Variants in BCAS3 observed in about 807,000 individuals in gnomAD.
BCAS3 encodes BCAS4/BCAS3 fusion.
BCAS3 carries 53 observed loss-of-function variants against 116.1 expected under a neutral mutation model. The ratio of observed to expected loss-of-function variants is 0.46; its 90% confidence interval spans 0.37 to 0.57. The LOEUF (loss-of-function observed/expected upper bound fraction) is 0.57. Ranked by LOEUF, BCAS3 falls within the 20% of genes least tolerant of loss-of-function variation. The pLI is 0.00. For missense variants in BCAS3, 917 were observed against 1,165.4 expected (o/e 0.79, Z 3.10); for synonymous variants, 391 against 408.2 (o/e 0.96, Z 0.51).
chr17:60,924,005 C>G (rs2059237532), intron 12 of BCAS3, among the ~76,000 whole-genome samples: 1 of 152,002 alleles, frequency 6.6e-6, no homozygotes, highest in African/African-American at 2.4e-5. Flanking sequence ...CAATAAGGGG[C>G]AAAAAATTGT....
At chr17:61,102,707 G>C (rs1190736844) in intron 22 of BCAS3, among the ~76,000 whole-genome samples, 1 of 151,636 alleles carries the variant, frequency 6.6e-6, no homozygotes, top group Admixed American at 6.6e-5. Context: ...TAGCTGACTG[G>C]GTACATGACC....
Position 61,380,616 on chromosome 17 carries a change from T to C in BCAS3, c.2594-11361T>C, listed in dbSNP as rs775637825. The C allele has an allele frequency of 2.6e-6, 4 of 1,564,452 alleles. No homozygotes were observed. The highest frequency in any genetic ancestry group is 1.7e-5 in the Admixed American group (1 of 59,320). ...TGCCTATGTGGAAGGGGTTGTCCCG[T>C]TGCTTCTTTTGTCCCTCAAGAGGGT... On this transcript the variant is annotated intron_variant, in intron 23 of 23. Transcript: ENST00000407086. This position sits in a 1 kb window ranked among gnomAD's most constrained non-coding sequence, Gnocchi z 4.2.
intron 6 of BCAS3, among the ~76,000 whole-genome samples, chr17:60,769,416 TG>T (rs2044428296): frequency 6.6e-6 from 1 of 152,116 alleles, no homozygotes; most frequent in African/African-American, 2.4e-5. Flanking sequence ...GTAGCGGAGG[TG>T]GGCTTTGTCT....
chr17:60,868,796 G>T, intron 8 of BCAS3, 113 bp downstream of exon 8: 1 of 561,874 alleles, frequency 1.8e-6, no homozygotes, highest in Non-Finnish European at 3.0e-6. Flanking sequence ...AAATCTCAAG[G>T]AAACACCTTC....
intron 7 of BCAS3, chr17:60,810,974 ACTAGTCT>A (rs2048756527): frequency 1.5e-6 from 1 of 672,536 alleles, no homozygotes; most frequent in African/African-American, 1.8e-5. Context: ...CTGGACAAGT[ACTAGTCT>A]CAGCAGATTG....
rs2047557944 is a variant in BCAS3 at position 61,241,945 on chromosome 17, T to A, written c.2426-126382T>A. Among the ~76,000 whole-genome samples the A allele has an allele frequency of 6.6e-6, 1 of 152,148 alleles. No individual in the cohort carries two copies. Among genetic ancestry groups the A allele is most frequent in the Admixed American group, 6.5e-5 (1 of 15,272 alleles). ...GAATCATTTCTCAGTGTTAAGTATA[T>A]CTGGGACCAGAAATGGCTCTTGTTA... On this transcript the variant is annotated intron_variant, in intron 22 of 23. Coordinates refer to ENST00000407086, the MANE Select transcript of BCAS3 (RefSeq NM_017679.5). This position sits in a 1 kb window ranked among gnomAD's most constrained non-coding sequence, Gnocchi z 4.6.
rs8076490 is a variant in BCAS3, at chr17:60,994,237, A to G, written c.1486+4002A>G. Among the ~76,000 whole-genome samples, 4,534 of 152,064 alleles carry G rather than the reference A, an allele frequency of 0.03. 230 individuals are homozygous for G. Among genetic ancestry groups the G allele is most frequent in the African/African-American group, 0.1 (4,205 of 41,496 alleles). ...TTTTAAAATATTGTTTTTACTCATCACTACTTTGAAATTATGATTATATAA... is the reference window on the plus strand; with the variant it reads ...TTTTAAAATATTGTTTTTACTCATCGCTACTTTGAAATTATGATTATATAA... On this transcript the variant is annotated intron_variant, in intron 15 of 23. Coordinates refer to ENST00000407086, the MANE Select transcript of BCAS3 (RefSeq NM_017679.5). The surrounding 1 kb of genome is among the most constrained non-coding windows in gnomAD (Gnocchi z 4.4).
chr17:61,163,255 TCTA>T (rs1195414662), intron 22 of BCAS3, among the ~76,000 whole-genome samples: 2 of 151,948 alleles, frequency 1.3e-5, no homozygotes, highest in Non-Finnish European at 2.9e-5. Flanking sequence ...AAACCCAGTC[TCTA>T]CTAAAAATAC....
intron 23 of BCAS3, among the ~76,000 whole-genome samples, chr17:61,370,953 T>A (rs1329396449): frequency 4.6e-5 from 7 of 152,192 alleles, no homozygotes; most frequent in South Asian, 2.1e-4. Context: ...TCAGTCCCCC[T>A]CTTTCTTCCC....
chr17:60,992,650 T>A (rs2063601096), intron 15 of BCAS3, among the ~76,000 whole-genome samples: 1 of 152,112 alleles, frequency 6.6e-6, no homozygotes, highest in Admixed American at 6.6e-5. Context: ...TGTAACAAAC[T>A]TGCACATGTG....
chr17:60,926,134 G>C (rs2059356687), intron 13 of BCAS3, among the ~76,000 whole-genome samples: 2 of 152,216 alleles, frequency 1.3e-5, no homozygotes, highest in Non-Finnish European at 1.5e-5. Context: ...ATTATAAGAA[G>C]AACATAAATT....
Position 61,056,658 on chromosome 17 carries a change from CAG to C in BCAS3, c.2029+15770_2029+15771del, listed in dbSNP as rs2069420611. On this transcript the variant is annotated intron_variant, in intron 19 of 23. Transcript: ENST00000407086. The surrounding 1 kb of genome is among the most constrained non-coding windows in gnomAD (Gnocchi z 4.9). ...TTTTATTAAAAATACATGAGCTACA[CAG>C]AGATTTGAAGAAACTCAGTTTATTA... 1.3e-5 allele frequency among the ~76,000 whole-genome samples: 2 copies of C among 152,074 alleles called. No homozygotes were observed. The highest frequency in any genetic ancestry group is 1.3e-4 in the Admixed American group (2 of 15,254).
At chr17:61,072,719 T>A (rs552527726) in intron 19 of BCAS3, among the ~76,000 whole-genome samples, 30 of 149,794 alleles carry the variant, frequency 2.0e-4, no homozygotes, top group African/African-American at 7.3e-4. Flanking sequence ...CCCACAGTAA[T>A]CTGCTGGTCC....
At position 61,249,275 on chromosome 17, in the gene BCAS3, G is replaced by A. The variant is rs1160876800; in HGVS notation, c.2426-119052G>A. Among the ~76,000 whole-genome samples, 4 of 152,136 alleles carry A rather than the reference G, an allele frequency of 2.6e-5. No individual in the cohort carries two copies. Among genetic ancestry groups the A allele is most frequent in the Non-Finnish European group, 5.9e-5 (4 of 68,042 alleles). On this transcript the variant is annotated intron_variant, in intron 22 of 23. Coordinates refer to ENST00000407086, the MANE Select transcript of BCAS3 (RefSeq NM_017679.5). This position sits in a 1 kb window ranked among gnomAD's most constrained non-coding sequence, Gnocchi z 6.2. ...GCACTCCAGCCTGGGCAACAAGAGT[G>A]AAACTCCATCTCAAAAATAAATAAA...
intron 7 of BCAS3, among the ~76,000 whole-genome samples, chr17:60,822,980 A>G (rs1215813377): frequency 1.3e-5 from 2 of 152,222 alleles, no homozygotes; most frequent in African/African-American, 2.4e-5. Context: ...AAATAGCTAT[A>G]TGAATGAGCC....
intron 7 of BCAS3, among the ~76,000 whole-genome samples, chr17:60,815,380 G>A (rs114525059): frequency 0.017 from 2,545 of 151,890 alleles, 72 homozygotes; most frequent in African/African-American, 0.058. Flanking sequence ...CTAACATGGC[G>A]CGTGTATACG....
chr17:60,751,944 A>G (rs1391474315), intron 6 of BCAS3, among the ~76,000 whole-genome samples: 1 of 152,242 alleles, frequency 6.6e-6, no homozygotes, highest in Non-Finnish European at 1.5e-5. Flanking sequence ...ATGAAAATTT[A>G]TGTGAGTCTG....
At chr17:61,044,465 A>AAAAAAAAAATATAT in intron 19 of BCAS3, among the ~76,000 whole-genome samples, 3 of 120,126 alleles carry the variant, frequency 2.5e-5, no homozygotes, top group African/African-American at 1.5e-4. Flanking sequence ...AAAAAAAAAA[A>AAAAAAAAAATATAT]ATATATATAT....
chr17:60,701,707 CCCAG>C, intron 4 of BCAS3, among the ~76,000 whole-genome samples: 1 of 151,826 alleles, frequency 6.6e-6, no homozygotes, highest in African/African-American at 2.4e-5. Flanking sequence ...CGCCTGTAAT[CCCAG>C]TACTTTGGGA....
Sources: gnomAD v4.1 joint callset for allele counts (sites outside exome capture counted in the v4.1 genomes callset) on GRCh38, gnomAD v4.1.1 for gene constraint, Gnocchi (gnomAD v3.1) non-coding constraint, MANE v1.5 for transcripts, NCBI Gene and HGNC (gene_info 2026-07-23, HGNC 2026-07-21) for gene names.